Variants in SHPRH observed in about 807,000 individuals in gnomAD.
The protein encoded by SHPRH is E3 ubiquitin-protein ligase SHPRH.
A neutral mutation model predicts 202.5 loss-of-function variants in SHPRH; 106 were observed. That is an observed-to-expected ratio of 0.52 (90% CI 0.45 to 0.62). The LOEUF (loss-of-function observed/expected upper bound fraction) is 0.62, where lower values mean the gene tolerates loss of function less well. Among genes scored for constraint, SHPRH ranks in the 20% least tolerant of loss-of-function variants. The pLI is 0.00. For missense variants in SHPRH, 1,710 were observed against 2,020.0 expected (o/e 0.85, Z 2.94); for synonymous variants, 729 against 686.0 (o/e 1.06, Z -0.98).
At chr6:145,907,782 T>C (rs1404510342) in intron 25 of SHPRH, 1 of 151,028 alleles carries the variant, frequency 6.6e-6, no homozygotes, top group Non-Finnish European at 1.5e-5. Flanking sequence ...CTTTTTCTCC[T>C]TAAAAAACAA....
chr6:145,946,393 G>C (rs1278436931), intron 6 of SHPRH, 52 bp from the exon 7 acceptor site: 1 of 1,378,220 alleles, frequency 7.3e-7, no homozygotes, highest in Non-Finnish European at 9.9e-7. Context: ...TCAGTATTCT[G>C]AATTGCTTAT....
intron 2 of SHPRH, among the ~76,000 whole-genome samples, chr6:145,876,166 C>G (rs1583268633): frequency 6.6e-6 from 1 of 152,172 alleles, no homozygotes; most frequent in Admixed American, 6.5e-5. Context: ...CACTCCAGTT[C>G]CTCTCCTAGT....
At chr6:145,959,224 TC>T (rs1788826978) in intron 1 of SHPRH, among the ~76,000 whole-genome samples, 2 of 152,208 alleles carry the variant, frequency 1.3e-5, no homozygotes, top group Non-Finnish European at 2.9e-5. Context: ...TCCCAGGCCT[TC>T]ACATTCACTC....
chr6:145,963,411 G>A (rs1204520027), intron 1 of SHPRH, among the ~76,000 whole-genome samples: 2 of 152,096 alleles, frequency 1.3e-5, no homozygotes, highest in South Asian at 2.1e-4. Flanking sequence ...TTTCTACCTC[G>A]TGCTAATGTC....
chr6:145,923,478 A>G (rs955829860), intron 18 of SHPRH, among the ~76,000 whole-genome samples, 165 bp downstream of exon 18: 1 of 151,796 alleles, frequency 6.6e-6, no homozygotes, highest in East Asian at 1.9e-4. Flanking sequence ...CATTTTGATA[A>G]ACTGTGAATA....
intron 25 of SHPRH, among the ~76,000 whole-genome samples, chr6:145,898,089 G>C (rs1055300250): frequency 6.6e-6 from 1 of 152,086 alleles, no homozygotes; most frequent in Non-Finnish European, 1.5e-5. Context: ...CAGATGACAT[G>C]ATCTTATATA....
At chr6:145,870,488 T>C (rs1053776188) in intron 2 of SHPRH, among the ~76,000 whole-genome samples, 1 of 152,086 alleles carries the variant, frequency 6.6e-6, no homozygotes, top group African/African-American at 2.4e-5. Flanking sequence ...AGTCTTGATC[T>C]CCTGACCTTG....
At chr6:145,938,230 T>G (rs1786332508) in intron 11 of SHPRH, among the ~76,000 whole-genome samples, 1 of 152,148 alleles carries the variant, frequency 6.6e-6, no homozygotes, top group Non-Finnish European at 1.5e-5. Context: ...GTTAGTTATC[T>G]CAAGGGTTGG....
chr6:145,941,947 A>G, intron 9 of SHPRH, 73 bp from the exon 10 acceptor site: 1 of 1,540,722 alleles, frequency 6.5e-7, no homozygotes, highest in Non-Finnish European at 8.8e-7. Flanking sequence ...ACTCATTTAT[A>G]CCCTTACTAA....
intron 10 of SHPRH, 113 bp downstream of exon 10, chr6:145,941,510 C>A: frequency 1.4e-6 from 2 of 1,478,716 alleles, no homozygotes; most frequent in Non-Finnish European, 1.8e-6. Context: ...AAACTTTTGA[C>A]CAATATCAGT....
intron 2 of SHPRH, among the ~76,000 whole-genome samples, chr6:145,867,476 AAG>A (rs1282322828): frequency 6.6e-6 from 1 of 151,382 alleles, no homozygotes; most frequent in East Asian, 1.9e-4. Flanking sequence ...GTGTCACTAC[AAG>A]AGAGAGGCAA....
chr6:145,944,017 G>A (rs1270022898), intron 8 of SHPRH, among the ~76,000 whole-genome samples: 1 of 152,092 alleles, frequency 6.6e-6, no homozygotes, highest in Non-Finnish European at 1.5e-5. Flanking sequence ...ACAAGTGTCA[G>A]ATTTGGAGAG....
At chr6:145,865,177 C>T (rs1317086526) in intron 2 of SHPRH, among the ~76,000 whole-genome samples, 2 of 152,106 alleles carry the variant, frequency 1.3e-5, no homozygotes, top group Non-Finnish European at 2.9e-5. Context: ...AATTATTTCC[C>T]CATGCAAATT....
chr6:145,861,297 ATTTATCTAAAG>A (rs1485084002), downstream of SHPRH, among the ~76,000 whole-genome samples: 1 of 152,162 alleles, frequency 6.6e-6, no homozygotes, highest in African/African-American at 2.4e-5. Flanking sequence ...CTGAACCAAC[ATTTATCTAAAG>A]AAGACATACA....
intron 25 of SHPRH, chr6:145,906,384 TGGCA>T (rs1484327961): frequency 6.6e-6 from 1 of 152,160 alleles, no homozygotes; most frequent in Non-Finnish European, 1.5e-5. Context: ...CAGTCACATC[TGGCA>T]GGCCTGTCCT....
Position 145,934,996 on chromosome 6 carries a change from G to C in SHPRH, c.2901C>G (p.Val967=). Reference sequence around the variant, plus strand: ...TCAGCAATGGATACAGGATAGAGGTGACAGTCCTTCTGTCTAGGCTGCTGA... The same window carrying C: ...TCAGCAATGGATACAGGATAGAGGTCACAGTCCTTCTGTCTAGGCTGCTGA... ...LKLSSLDRRT[V]TSILYPLLRL... is the part of the protein sequence containing the mutation. Residue 967 remains valine, a synonymous_variant, in exon 13 of 30, where the codon GTC becomes GTG. Transcript: ENST00000275233. 1 of 1,614,060 alleles carries C rather than the reference G, an allele frequency of 6.2e-7. No homozygotes were observed.
intron 2 of SHPRH, chr6:145,877,785 T>G (rs1215101452): frequency 6.6e-6 from 1 of 152,212 alleles, no homozygotes; most frequent in Non-Finnish European, 1.5e-5. Context: ...TATCTTAACC[T>G]GAACATTCCT....
At chr6:145,895,469 C>G (rs1781932108) in intron 25 of SHPRH, among the ~76,000 whole-genome samples, 1 of 151,050 alleles carries the variant, frequency 6.6e-6, no homozygotes, top group African/African-American at 2.4e-5. Flanking sequence ...AAAACAATGA[C>G]AGAGGTACAA....
intron 1 of SHPRH, 47 bp from the exon 2 acceptor site, chr6:145,955,401 G>C: frequency 6.8e-7 from 1 of 1,475,340 alleles, no homozygotes; most frequent in Non-Finnish European, 9.0e-7. Context: ...AGATGATTTA[G>C]TATTTAAGGG....
Sources: gnomAD v4.1 joint callset for allele counts (sites outside exome capture counted in the v4.1 genomes callset) on GRCh38, gnomAD v4.1.1 for gene constraint, MANE v1.5 for transcripts, NCBI Gene and HGNC (gene_info 2026-07-23, HGNC 2026-07-21) for gene names.